Variants in CCDC60 observed in about 807,000 individuals in gnomAD.
The protein encoded by CCDC60 is coiled-coil domain containing 60.
CCDC60 carries 54 observed loss-of-function variants against 63.5 expected under a neutral mutation model. The observed-to-expected ratio is 0.85, with a 90% CI of 0.68 to 1.07. CCDC60 has a LOEUF of 1.07. Ranked by LOEUF, CCDC60 falls within the 50% of genes least tolerant of loss-of-function variation. CCDC60 has a pLI of 0.00. For synonymous variants in CCDC60, 206 were observed against 238.8 expected, an observed-to-expected ratio of 0.86 and a Z score of 1.27; for missense variants, 651 against 684.3, an observed-to-expected ratio of 0.95 and a Z score of 0.54.
chr12:119,351,130 T>A (rs535077500), intron 1 of CCDC60, among the ~76,000 whole-genome samples: 1 of 152,340 alleles, frequency 6.6e-6, no homozygotes, highest in African/African-American at 2.4e-5. Flanking sequence ...AGGTGAAGGA[T>A]AAAGCATCCT....
intron 13 of CCDC60, among the ~76,000 whole-genome samples, chr12:119,536,919 G>A (rs1953020703): frequency 6.6e-6 from 1 of 152,126 alleles, no homozygotes; most frequent in Non-Finnish European, 1.5e-5. Context: ...GAGTATCTTT[G>A]TGGTGTTCTC....
intron 1 of CCDC60, among the ~76,000 whole-genome samples, chr12:119,395,689 G>A (rs553057317): frequency 8.1e-4 from 123 of 152,284 alleles, no homozygotes; most frequent in South Asian, 4.4e-3. Context: ...TAGTTTTTAG[G>A]GCTGCCATAA....
intron 2 of CCDC60, among the ~76,000 whole-genome samples, chr12:119,430,173 TAC>T (rs36071467): frequency 0.23 from 34,222 of 149,602 alleles, 3,848 homozygotes; most frequent in Middle Eastern, 0.26. Flanking sequence ...CTGCCACACA[TAC>T]ACACACACAC....
chr12:119,461,910 G>A (rs1435878694), intron 2 of CCDC60, among the ~76,000 whole-genome samples: 2 of 152,198 alleles, frequency 1.3e-5, no homozygotes, highest in East Asian at 1.9e-4. Context: ...GTTTTTAAAT[G>A]GGCCTCCGCG....
intron 1 of CCDC60, among the ~76,000 whole-genome samples, chr12:119,394,078 T>C (rs1252441709): frequency 2.0e-5 from 3 of 152,134 alleles, no homozygotes; most frequent in Non-Finnish European, 2.9e-5. Context: ...AGATAAAAAA[T>C]GACAGATTCC....
At chr12:119,481,444 C>G (rs529241464) in intron 4 of CCDC60, among the ~76,000 whole-genome samples, 9 of 152,206 alleles carry the variant, frequency 5.9e-5, no homozygotes, top group Middle Eastern at 3.4e-3. Context: ...ATGCATATTC[C>G]TGAGCCCAAT....
intron 1 of CCDC60, among the ~76,000 whole-genome samples, chr12:119,395,123 A>G (rs1956228165): frequency 6.6e-6 from 1 of 152,248 alleles, no homozygotes; most frequent in African/African-American, 2.4e-5. Flanking sequence ...GAGTGGCTGC[A>G]GAAAAGAGTG....
At chr12:119,407,783 A>G (rs11064782) in intron 1 of CCDC60, among the ~76,000 whole-genome samples, 11,439 of 151,880 alleles carry the variant, frequency 0.075, 554 homozygotes, top group Middle Eastern at 0.16. Context: ...CAGAAGGTGT[A>G]TTTCTTATGG....
chr12:119,506,965 A>G (rs1034880505), intron 7 of CCDC60, among the ~76,000 whole-genome samples: 1 of 152,140 alleles, frequency 6.6e-6, no homozygotes, highest in African/African-American at 2.4e-5. Context: ...GCCTACCACA[A>G]AATTCTTGAC....
chr12:119,360,237 G>C (rs1233398077), intron 1 of CCDC60, among the ~76,000 whole-genome samples: 3 of 151,112 alleles, frequency 2.0e-5, no homozygotes, highest in African/African-American at 2.4e-5. Flanking sequence ...CAGTAGGGGC[G>C]GCCGGGCAGA....
At chr12:119,520,085 TCAGCGCC>T in intron 8 of CCDC60, 29 bp from the exon 9 acceptor site, 29 of 1,591,708 alleles carry the variant, frequency 1.8e-5, no homozygotes, top group Non-Finnish European at 2.1e-5. Context: ...CTTCATGAAT[TCAGCGCC>T]TTGTTAAAGG....
chr12:119,511,645 G>T (rs1181608375), intron 7 of CCDC60, among the ~76,000 whole-genome samples: 1 of 152,210 alleles, frequency 6.6e-6, no homozygotes, highest in Non-Finnish European at 1.5e-5. Flanking sequence ...GACAGGCTGG[G>T]CATGGAAGAT....
At chr12:119,421,243 A>G (rs572549204) in intron 1 of CCDC60, among the ~76,000 whole-genome samples, 3 of 152,250 alleles carry the variant, frequency 2.0e-5, no homozygotes, top group East Asian at 3.8e-4. Context: ...CTTTCCGGCC[A>G]TGACCTCCAA....
In CCDC60 at chr12:119,337,728, G is replaced by C. The variant is rs756572123; in HGVS notation, c.90+2462G>C. Among the ~76,000 whole-genome samples the C allele has an allele frequency of 3.3e-5, 5 of 152,030 alleles. No homozygotes were observed. The East Asian group carries it at 9.6e-4, about 29-fold the overall frequency. On this transcript the variant is annotated intron_variant, in intron 1 of 13. Transcript: ENST00000327554. The stretch of plus-strand genomic sequence containing the variant: ...AAGAGATAAGAAACGTTATAATGCA[G>C]GTTGATTAATGATGTGTTGAGGAAG...
At chr12:119,381,786 C>T (rs1956010077) in intron 1 of CCDC60, among the ~76,000 whole-genome samples, 1 of 152,160 alleles carries the variant, frequency 6.6e-6, no homozygotes, top group Admixed American at 6.5e-5. Context: ...AGATCTGTGG[C>T]CCCAAAGTCT....
At chr12:119,535,029 T>C (rs1230091672) in intron 13 of CCDC60, among the ~76,000 whole-genome samples, 1 of 152,244 alleles carries the variant, frequency 6.6e-6, no homozygotes, top group African/African-American at 2.4e-5. Context: ...AGAATTTGGC[T>C]GTGAATCCGT....
chr12:119,412,756 GCCCCCCACCC>G (rs1218250485), intron 1 of CCDC60, among the ~76,000 whole-genome samples: 10 of 109,710 alleles, frequency 9.1e-5, no homozygotes, highest in African/African-American at 1.3e-4. Context: ...GACAGGTAAA[GCCCCCCACCC>G]CCCCCCACCC....
chr12:119,357,114 T>C (rs992884180), intron 1 of CCDC60, among the ~76,000 whole-genome samples: 1 of 152,194 alleles, frequency 6.6e-6, no homozygotes, highest in Non-Finnish European at 1.5e-5. Flanking sequence ...GCCTTTTTTA[T>C]TGAAATGTAA....
rs146920666 is a variant in CCDC60, at chr12:119,524,482, C to T, written c.1229+664C>T. 4.1e-6 allele frequency: 4 copies of T among 980,200 alleles called. No homozygotes were observed. In the East Asian group the frequency reaches 3.4e-4, roughly 84 times the overall value. 60.7% of individuals were successfully genotyped at this position (980,200 alleles called of 1,614,324 possible). The stretch of plus-strand genomic sequence containing the variant: ...ATAGCCCGTTGCACTCTCATTTTCA[C>T]AGCACTAATGGGCTGAATGCTCTGG... On this transcript the variant is annotated intron_variant, in intron 11 of 13. Coordinates refer to ENST00000327554, the MANE Select transcript of CCDC60 (RefSeq NM_178499.5).
Sources: allele counts gnomAD v4.1 joint callset (sites outside exome capture counted in the v4.1 genomes callset), GRCh38; gene constraint gnomAD v4.1.1; transcripts MANE v1.5; gene names NCBI Gene and HGNC (gene_info 2026-07-23, HGNC 2026-07-21).